The following ACCSL variants were observed in gnomAD, a reference collection of about 807,000 sequenced individuals.
ACCSL encodes 1-aminocyclopropane-1-carboxylate synthase homolog (inactive) like, also known as probable inactive 1-aminocyclopropane-1-carboxylate synthase-like protein 2.
A neutral mutation model predicts 61.7 loss-of-function variants in ACCSL; 55 were observed. That is an observed-to-expected ratio of 0.89 (90% CI 0.72 to 1.12). The LOEUF (loss-of-function observed/expected upper bound fraction) is 1.12. Among genes scored for constraint, ACCSL ranks in the 50% most tolerant of loss-of-function variants. ACCSL has a pLI of 0.00. For synonymous variants in ACCSL, 258 were observed against 264.3 expected (o/e 0.98, Z 0.23); for missense variants, 632 against 698.0 (o/e 0.91, Z 1.07).
the ACCSL span, among the ~76,000 whole-genome samples, chr11:43,978,650 C>A: frequency 1.3e-5 from 2 of 152,168 alleles, no homozygotes; most frequent in South Asian, 2.1e-4. Context: ...TCTTCCCATC[C>A]CTTTGAGGTG....
the ACCSL span, among the ~76,000 whole-genome samples, chr11:44,008,304 C>G: frequency 2.6e-5 from 4 of 152,290 alleles, no homozygotes; most frequent in Non-Finnish European, 5.9e-5. Context: ...GGGATGCGAC[C>G]AAATTGCAGA....
chr11:43,992,945 A>G, the ACCSL span, among the ~76,000 whole-genome samples: 4 of 152,152 alleles, frequency 2.6e-5, no homozygotes, highest in Admixed American at 2.0e-4. Context: ...ACCCTTATTC[A>G]GGTCCTGTTG....
At chr11:44,052,634 T>C (rs1952646362) in intron 5 of ACCSL, 28 bp from the exon 6 acceptor site, 2 of 1,595,462 alleles carry the variant, frequency 1.3e-6, no homozygotes, top group African/African-American at 1.3e-5. Flanking sequence ...GACTTTGGAC[T>C]GATAGCTCTG....
At chr11:43,962,806 G>GT in the ACCSL span, among the ~76,000 whole-genome samples, 1 of 152,208 alleles carries the variant, frequency 6.6e-6, no homozygotes, top group African/African-American at 2.4e-5. Context: ...TCTGGGAATT[G>GT]TTTTTTCCAG....
At chr11:43,989,460 C>G in the ACCSL span, among the ~76,000 whole-genome samples, 22 of 152,176 alleles carry the variant, frequency 1.4e-4, no homozygotes, top group Non-Finnish European at 2.5e-4. Flanking sequence ...TTTTGAGAAG[C>G]CTCCTGTTTC....
chr11:43,929,261 C>T, the ACCSL span, among the ~76,000 whole-genome samples: 1 of 152,158 alleles, frequency 6.6e-6, no homozygotes, highest in Non-Finnish European at 1.5e-5. Context: ...TCCTTTGTTA[C>T]CCAGGCTGGA....
chr11:44,056,698 G>A (rs994518940), intron 11 of ACCSL, among the ~76,000 whole-genome samples: 6 of 152,280 alleles, frequency 3.9e-5, no homozygotes, highest in Non-Finnish European at 7.3e-5. Context: ...CAGGCATGCT[G>A]GCAAACGCCT....
At chr11:44,050,460 T>C (rs920394911) in intron 2 of ACCSL, 92 bp from the exon 3 acceptor site, 8 of 1,105,108 alleles carry the variant, frequency 7.2e-6, no homozygotes, top group East Asian at 2.3e-5. Context: ...GTCATGTATG[T>C]GGAGGGCAAA....
chr11:44,047,898 G>A, upstream of ACCSL: 1 of 1,141,608 alleles, frequency 8.8e-7, no homozygotes. Flanking sequence ...GAAGTGAGAA[G>A]AACAGATCTG....
At chr11:43,998,727 GATTC>G in the ACCSL span, among the ~76,000 whole-genome samples, 1 of 151,278 alleles carries the variant, frequency 6.6e-6, no homozygotes, top group Non-Finnish European at 1.5e-5. Flanking sequence ...CTTCTTCATA[GATTC>G]ATTCATTATT....
chr11:43,995,395 A>G, the ACCSL span: 1 of 152,238 alleles, frequency 6.6e-6, no homozygotes, highest in Non-Finnish European at 1.5e-5. Flanking sequence ...CAGTCGACGC[A>G]CATGGAGGAC....
chr11:43,979,890 T>C, the ACCSL span, among the ~76,000 whole-genome samples: 1 of 148,138 alleles, frequency 6.8e-6, no homozygotes, highest in Non-Finnish European at 1.5e-5. Context: ...ATTGGCAACA[T>C]TTCAAACATT....
the ACCSL span, among the ~76,000 whole-genome samples, chr11:44,040,180 T>C: frequency 1.3e-5 from 2 of 152,220 alleles, no homozygotes; most frequent in Non-Finnish European, 2.9e-5. Context: ...TCCTCAGATA[T>C]GGGGAAAAGT....
the ACCSL span, among the ~76,000 whole-genome samples, chr11:43,987,440 G>C: frequency 6.6e-6 from 1 of 152,218 alleles, no homozygotes; most frequent in African/African-American, 2.4e-5. Context: ...GGGGGACGGG[G>C]CTGCAGGGTG....
chr11:43,941,826 GAGCTCATGGTTGGCTTGGAGTAA>G, the ACCSL span, among the ~76,000 whole-genome samples: 1 of 152,178 alleles, frequency 6.6e-6, no homozygotes, highest in African/African-American at 2.4e-5. Flanking sequence ...ACGTAAAACA[GAGCTCATGGTTGGCTTGGAGTAA>G]AGCTCTCCAG....
At chr11:43,929,494 G>T in the ACCSL span, among the ~76,000 whole-genome samples, 1 of 152,112 alleles carries the variant, frequency 6.6e-6, no homozygotes, top group Non-Finnish European at 1.5e-5. Context: ...TGTAAACTCT[G>T]CCCCTGGGTT....
At chr11:43,967,167 C>CT in the ACCSL span, among the ~76,000 whole-genome samples, 343 of 62,668 alleles carry the variant, frequency 5.5e-3, 61 homozygotes, top group African/African-American at 0.016. Context: ...TCTTCTTCTT[C>CT]TTTTTTTTTT....
In ACCSL at chr11:44,053,123, G is replaced by C. The variant is rs1034529955; in HGVS notation, c.948+55G>C. 5 of 1,504,828 alleles carry C rather than the reference G, an allele frequency of 3.3e-6. No homozygotes were observed. In the African/African-American group the frequency reaches 6.9e-5, roughly 21 times the overall value. The allele number at this position is 1,504,828 out of a possible 1,614,324, so 93.2% of individuals were successfully genotyped here. ...CCACTGCTGGTCCTAAAAGGGGTTT[G>C]AGTATTGAAATTCTGGTACTGCTTA... On this transcript the variant is annotated intron_variant, in intron 7 of 13. Coordinates refer to ENST00000378832, the MANE Select transcript of ACCSL (RefSeq NM_001031854.2).
chr11:43,977,970 A>AAG, the ACCSL span, among the ~76,000 whole-genome samples: 1 of 151,414 alleles, frequency 6.6e-6, no homozygotes. Flanking sequence ...ACCGGATGGG[A>AAG]AGAGTCCTTC....
Sources: allele counts gnomAD v4.1 joint callset (sites outside exome capture counted in the v4.1 genomes callset), GRCh38; gene constraint gnomAD v4.1.1; transcripts MANE v1.5; gene names NCBI Gene and HGNC (gene_info 2026-07-23, HGNC 2026-07-21).